Variants in STMN3 observed in about 807,000 individuals in gnomAD.
The protein encoded by STMN3 is stathmin-3.
Under a neutral mutation model 23.2 loss-of-function variants are expected in STMN3, and 24 were observed. The ratio of observed to expected loss-of-function variants is 1.03; its 90% CI spans 0.75 to 1.45. The LOEUF is 1.45. STMN3 is among the 40% of genes most tolerant of loss of function. The probability of loss-of-function intolerance (pLI) is 0.00; values close to 1 mark genes in which losing one functional copy is unlikely to be tolerated. For missense variants in STMN3, 235 were observed against 237.6 expected (o/e 0.99, Z 0.07); for synonymous variants, 117 against 103.4 (o/e 1.13, Z -0.80).
intron 1 of STMN3, among the ~76,000 whole-genome samples, chr20:63,647,936 A>ATGTGTGTGTG (rs1555897526): frequency 2.0e-4 from 16 of 80,836 alleles, no homozygotes; most frequent in African/African-American, 1.9e-4. Flanking sequence ...ATACGTATAT[A>ATGTGTGTGTG]TGTGTGTGTG....
At chr20:63,648,998 T>C (rs1569070791) in intron 1 of STMN3, among the ~76,000 whole-genome samples, 1 of 152,030 alleles carries the variant, frequency 6.6e-6, no homozygotes, top group Non-Finnish European at 1.5e-5. Flanking sequence ...AGGTCAGACC[T>C]CTCACAGGTC....
At chr20:63,645,064 C>A (rs1422831896) in intron 1 of STMN3, among the ~76,000 whole-genome samples, 1 of 152,182 alleles carries the variant, frequency 6.6e-6, no homozygotes, top group Non-Finnish European at 1.5e-5. Context: ...TAGCCCCTGA[C>A]TCTGTCTTTC....
chr20:63,649,089 C>A (rs2089838850), intron 1 of STMN3, among the ~76,000 whole-genome samples: 1 of 152,178 alleles, frequency 6.6e-6, no homozygotes, highest in Admixed American at 6.6e-5. Context: ...TGCGGCTCAG[C>A]ATCTGATGGC....
chr20:63,641,459 C>T (rs2089761572), intron 4 of STMN3, 62 bp from the exon 5 acceptor site: 3 of 1,433,650 alleles, frequency 2.1e-6, no homozygotes, highest in Admixed American at 4.0e-5. Context: ...TCCGGGAACC[C>T]CCAGGCGCGC....
At chr20:63,649,721 G>T (rs1026139220) in intron 1 of STMN3, among the ~76,000 whole-genome samples, 5 of 151,926 alleles carry the variant, frequency 3.3e-5, no homozygotes, top group African/African-American at 1.2e-4. Context: ...TAGTAGAGAC[G>T]GGGTTTCACT....
At position 63,652,619 on chromosome 20, in the gene STMN3, G is replaced by A. The variant is rs2089869639; in HGVS notation, c.19+708C>T. ...CCCGCGGGAGGTGGAGGGGCGGGAG[G>A]GGCGGAGCCCTCTGGTCTCCGGAGG... On this transcript the variant is annotated intron_variant, in intron 1 of 4. Transcript: ENST00000370053. This position sits in a 1 kb window ranked among gnomAD's most constrained non-coding sequence, Gnocchi z 5.3. 1 of 985,472 alleles carries A rather than the reference G, an allele frequency of 1.0e-6. No homozygotes were observed. The allele number at this position is 985,472 out of a possible 1,614,324, so 61.0% of individuals were successfully genotyped here.
At chr20:63,641,450 C>A (rs867630765) in intron 4 of STMN3, 53 bp from the exon 5 acceptor site, 12 of 1,474,716 alleles carry the variant, frequency 8.1e-6, no homozygotes, top group Middle Eastern at 2.3e-4. Context: ...TGGGGCGACT[C>A]CGGGAACCCC....
intron 1 of STMN3, among the ~76,000 whole-genome samples, chr20:63,647,971 T>TAC (rs2089830167): frequency 1.1e-5 from 1 of 87,934 alleles, no homozygotes; most frequent in Non-Finnish European, 2.3e-5. Context: ...TATATATATA[T>TAC]ATATATATAC....
At position 63,642,393 on chromosome 20, in the gene STMN3, C is replaced by A. The variant is rs867212012; in HGVS notation, c.292-94G>T. 1.1e-4 allele frequency: 106 copies of A among 945,918 alleles called. No individual in the cohort carries two copies. In the African/African-American group the frequency reaches 1.7e-3, roughly 15 times the overall value. The allele number at this position is 945,918 out of a possible 1,614,324, so 58.6% of individuals were successfully genotyped here. A position where few individuals can be genotyped will look rare whatever the true frequency, so the allele number is the denominator to read the frequency against. On this transcript the variant is annotated intron_variant, in intron 3 of 4. Transcript: ENST00000370053. Reference sequence around the variant, plus strand: ...CTCCGCCTCCCGCCCAGCGCCCGCTCGCCTCACCTGGCGCCTCCACCTGCC... The same window carrying A: ...CTCCGCCTCCCGCCCAGCGCCCGCTAGCCTCACCTGGCGCCTCCACCTGCC...
At chr20:63,643,719 G>A in intron 3 of STMN3, 37 bp downstream of exon 3, 1 of 1,495,338 alleles carries the variant, frequency 6.7e-7, no homozygotes, top group Non-Finnish European at 8.8e-7. Flanking sequence ...CGCCTCCGTT[G>A]AAACTCCTGG....
intron 3 of STMN3, among the ~76,000 whole-genome samples, chr20:63,642,959 G>A (rs970233596): frequency 2.6e-5 from 4 of 152,106 alleles, no homozygotes; most frequent in Admixed American, 1.3e-4. Context: ...ACCCCCAAAA[G>A]GACATTTTTA....
rs1385304139 is a variant in STMN3 at position 63,644,226 on chromosome 20, A to G, written c.103T>C (p.Tyr35His). The G allele has an allele frequency of 6.2e-7, 1 of 1,612,778 alleles. No homozygotes were observed. Among genetic ancestry groups the G allele is most frequent in the Admixed American group, 1.7e-5 (1 of 59,992 alleles). The change falls in exon 2 of 5, where the codon TAC (tyrosine) becomes CAC (histidine). Residue 35 changes from tyrosine (Y) to histidine (H), a missense_variant. Physicochemically the swap from Tyr to His is moderately conservative, Grantham distance 83. Coordinates refer to ENST00000370053, the MANE Select transcript of STMN3 (RefSeq NM_015894.4). The part of the protein sequence containing the change: ...FYTQPHPNTV[Y>H]QYGDMEVKQL... The stretch of plus-strand genomic sequence containing the variant: ...GCCAGGCACTCACCCCCGTACTGGT[A>G]GACGGTATTGGGGTGCGGCTGTGTG...
At chr20:63,647,946 G>GTATATATA (rs1569070224) in intron 1 of STMN3, among the ~76,000 whole-genome samples, 1 of 83,232 alleles carries the variant, frequency 1.2e-5, no homozygotes, top group African/African-American at 5.0e-5. Context: ...ATGTGTGTGT[G>GTATATATA]TGTATATATA....
chr20:63,643,864 AG>A lies in STMN3; in HGVS notation c.182del (p.Pro61LeufsTer44). The stretch of plus-strand genomic sequence containing the variant: ...TAGGGCTCTCTGGGGACAGGTCAGA[AG>A]GGGACTTGAGGATGACCTCGAAGCT... ...GQSFEVILKSPSDLSPESPML... is the reference protein window; with the variant it reads ...GQSFEVILKSXSDLSPESPML... On this transcript the variant is annotated frameshift_variant, in exon 3 of 5. Coordinates refer to ENST00000370053, the MANE Select transcript of STMN3 (RefSeq NM_015894.4). LOFTEE classifies it high-confidence loss of function. 1 of 1,588,490 alleles carries A rather than the reference AG, an allele frequency of 6.3e-7. No homozygotes were observed. Among genetic ancestry groups the A allele is most frequent in the Non-Finnish European group, 8.5e-7 (1 of 1,173,532 alleles).
Position 63,640,890 on chromosome 20 carries a change from C to T in STMN3, c.*448G>A, listed in dbSNP as rs1017346193. On this transcript the variant is annotated 3_prime_UTR_variant, in exon 5 of 5. Transcript: ENST00000370053. The stretch of plus-strand genomic sequence containing the variant: ...TCACCCCCCTCCCCCGTCGCCCCTC[C>T]CTCATGGGGAGCCCCTTCCCCCTGG... 3 of 251,212 alleles carry T rather than the reference C, an allele frequency of 1.2e-5. No individual in the cohort carries two copies. The highest frequency in any genetic ancestry group is 2.4e-5 in the Non-Finnish European group (3 of 126,064). 15.6% of individuals were successfully genotyped at this position (251,212 alleles called of 1,614,324 possible).
In STMN3 at chr20:63,644,313, T is replaced by C; in HGVS notation, c.20-4A>G. On this transcript the variant is annotated splice_region_variant and splice_polypyrimidine_tract_variant and intron_variant, in intron 1 of 4. Coordinates refer to ENST00000370053, the MANE Select transcript of STMN3 (RefSeq NM_015894.4). The stretch of plus-strand genomic sequence containing the variant: ...TCCTTCATCTTCTCCTTGTAGGCTG[T>C]GGGCACAAGGCTGGGCTGAGCAAGC... 1 of 1,609,806 alleles carries C rather than the reference T, an allele frequency of 6.2e-7. No homozygotes were observed. The highest frequency in any genetic ancestry group is 1.1e-5 in the South Asian group (1 of 90,538).
In STMN3 at chr20:63,648,004, A is replaced by G. The variant is rs574729346; in HGVS notation, c.20-3695T>C. On this transcript the variant is annotated intron_variant, in intron 1 of 4. Coordinates refer to ENST00000370053, the MANE Select transcript of STMN3 (RefSeq NM_015894.4). ...TACATATATATATACAGAGAGAGAGAGAGTAGTGATAGGTCTTGCTGTCTT... is the reference window on the plus strand; with the variant it reads ...TACATATATATATACAGAGAGAGAGGGAGTAGTGATAGGTCTTGCTGTCTT... Among the ~76,000 whole-genome samples the G allele has an allele frequency of 1.6e-3, 209 of 134,694 alleles. 3 individuals carry two copies. The highest frequency in any genetic ancestry group is 3.9e-3 in the Middle Eastern group (1 of 254). The allele number at this position is 134,694 out of a possible 152,430, so 88.4% of individuals were successfully genotyped here. A position where few individuals can be genotyped will look rare whatever the true frequency, so the allele number is the denominator to read the frequency against.
Position 63,641,220 on chromosome 20 carries a change from A to G in STMN3, c.*118T>C, listed in dbSNP as rs573805476. The G allele has an allele frequency of 1.2e-3, 1,021 of 861,908 alleles. 15 individuals carry two copies. The South Asian group carries it at 0.013, about 11-fold the overall frequency. 53.4% of individuals were successfully genotyped at this position (861,908 alleles called of 1,614,324 possible). On this transcript the variant is annotated 3_prime_UTR_variant, in exon 5 of 5. Transcript: ENST00000370053. ...GGCTGAGTGCGGAAGAGAAGCATGA[A>G]GCTGGGGGCGGGGGTGGGGGAGGAG...
chr20:63,642,187 T>G lies in STMN3; in HGVS notation c.404A>C (p.Lys135Thr). 1 of 1,561,192 alleles carries G rather than the reference T, an allele frequency of 6.4e-7. No individual in the cohort carries two copies. Among genetic ancestry groups the G allele is most frequent in the Non-Finnish European group, 8.6e-7 (1 of 1,156,172 alleles). The part of the protein sequence containing the change: ...NNNFSRQAEE[K>T]LNYKMELSKE... The stretch of plus-strand genomic sequence containing the variant: ...GCTGAGCTCCATCTTGTAGTTGAGC[T>G]TCTCCTCCGCCTGGCGGCTGAAGTT... The change falls in exon 4 of 5, where the codon AAG becomes ACG. Residue 135 changes from lysine to threonine, a missense_variant. Transcript: ENST00000370053.
Sources: gnomAD v4.1 joint callset for allele counts (sites outside exome capture counted in the v4.1 genomes callset) on GRCh38, gnomAD v4.1.1 for gene constraint, Gnocchi (gnomAD v3.1) non-coding constraint, MANE v1.5 for transcripts, NCBI Gene and HGNC (gene_info 2026-07-23, HGNC 2026-07-21) for gene names.